Variants in CNTN5 observed in about 807,000 individuals in gnomAD.
The protein encoded by CNTN5 is contactin 5.
Under a neutral mutation model 129.1 loss-of-function variants are expected in CNTN5, and 77 were observed. The observed-to-expected ratio is 0.60, with a 90% CI of 0.50 to 0.72. CNTN5 has a LOEUF of 0.72. CNTN5 is among the 30% of genes least tolerant of loss of function. CNTN5 has a pLI of 0.00. For missense variants in CNTN5, 1,478 were observed against 1,328.8 expected (o/e 1.11, Z -1.75); for synonymous variants, 509 against 465.6 (o/e 1.09, Z -1.20).
chr11:99,922,573 T>C (rs1949966051), intron 7 of CNTN5, among the ~76,000 whole-genome samples: 1 of 152,244 alleles, frequency 6.6e-6, no homozygotes, highest in South Asian at 2.1e-4. Context: ...TAGATTATCA[T>C]AGCATACTTG....
intron 4 of CNTN5, among the ~76,000 whole-genome samples, chr11:99,841,588 G>C (rs1161719416): frequency 6.7e-6 from 1 of 149,664 alleles, no homozygotes; most frequent in African/African-American, 2.5e-5. Flanking sequence ...AAAAAGGGGA[G>C]GAGGAGGAAA....
At position 99,947,597 on chromosome 11, in the gene CNTN5, G is replaced by A. The variant is rs572749086; in HGVS notation, c.674-9209G>A. Among the ~76,000 whole-genome samples, 152 of 152,182 alleles carry A rather than the reference G, an allele frequency of 1.0e-3. 2 individuals carry two copies. The South Asian group carries it at 0.013, about 13-fold the overall frequency. ...AATAAGTTGAGGGGCAGACAATCTC[G>A]TTATAATAATTTATCTTGCCTGAAG... On this transcript the variant is annotated intron_variant, in intron 7 of 24. Transcript: ENST00000524871.
intron 8 of CNTN5, among the ~76,000 whole-genome samples, chr11:99,979,907 T>C (rs553627699): frequency 4.8e-4 from 73 of 152,322 alleles, no homozygotes; most frequent in African/African-American, 1.7e-3. Context: ...TTAAGAGCCA[T>C]GTGACTTTAG....
At chr11:100,343,691 C>T (rs1952216085) in intron 23 of CNTN5, among the ~76,000 whole-genome samples, 1 of 152,098 alleles carries the variant, frequency 6.6e-6, no homozygotes, top group Non-Finnish European at 1.5e-5. Flanking sequence ...ACAGCTACTG[C>T]ACCCTTGGCA....
chr11:99,121,637 C>T (rs2135409043), intron 1 of CNTN5, among the ~76,000 whole-genome samples: 1 of 152,266 alleles, frequency 6.6e-6, no homozygotes, highest in East Asian at 1.9e-4. Context: ...GATTTGGCAA[C>T]TTTTTAAAGG....
intron 1 of CNTN5, among the ~76,000 whole-genome samples, chr11:99,233,607 GT>G (rs1472517294): frequency 2.0e-5 from 3 of 152,146 alleles, no homozygotes; most frequent in Admixed American, 6.5e-5. Context: ...GTAAAATGGT[GT>G]TGTGAATAAA....
chr11:99,754,956 A>G (rs1249094638), intron 3 of CNTN5, among the ~76,000 whole-genome samples: 1 of 152,160 alleles, frequency 6.6e-6, no homozygotes, highest in East Asian at 1.9e-4. Context: ...ATCATTGATC[A>G]TGTTATTATT....
chr11:99,750,951 T>C (rs1407766456), intron 3 of CNTN5, among the ~76,000 whole-genome samples: 2 of 152,214 alleles, frequency 1.3e-5, no homozygotes, highest in Admixed American at 6.6e-5. Context: ...AAAGCTAATA[T>C]AGGCAAAAGT....
intron 18 of CNTN5, among the ~76,000 whole-genome samples, chr11:100,294,361 CT>C (rs1219549641): frequency 2.0e-5 from 3 of 151,648 alleles, no homozygotes; most frequent in Non-Finnish European, 3.0e-5. Context: ...TACAAGAATG[CT>C]TTCAATGTTT....
At chr11:99,602,659 A>C (rs1591347560) in intron 3 of CNTN5, among the ~76,000 whole-genome samples, 1 of 151,886 alleles carries the variant, frequency 6.6e-6, no homozygotes, top group South Asian at 2.1e-4. Context: ...ATGTAAAAAA[A>C]AAAAAATGTA....
chr11:99,314,047 G>T (rs1199212082), intron 1 of CNTN5, among the ~76,000 whole-genome samples: 3 of 151,972 alleles, frequency 2.0e-5, no homozygotes, highest in African/African-American at 7.2e-5. Context: ...CCCAAAGGGG[G>T]TTGGTAAAAG....
intron 9 of CNTN5, among the ~76,000 whole-genome samples, chr11:100,030,317 C>T (rs1250475329): frequency 1.3e-5 from 2 of 152,164 alleles, no homozygotes; most frequent in Non-Finnish European, 2.9e-5. Flanking sequence ...CAGTTTGAGG[C>T]TGCAGTGAGC....
chr11:99,650,916 A>G (rs747242704), intron 3 of CNTN5, among the ~76,000 whole-genome samples: 1 of 151,988 alleles, frequency 6.6e-6, no homozygotes, highest in Non-Finnish European at 1.5e-5. Context: ...AACACAGTTC[A>G]ATAATGTTCT....
intron 3 of CNTN5, among the ~76,000 whole-genome samples, chr11:99,591,495 G>A (rs1026006158): frequency 1.3e-5 from 2 of 151,810 alleles, no homozygotes; most frequent in African/African-American, 4.8e-5. Flanking sequence ...GTGCCACCAT[G>A]CCCGGCTAAT....
chr11:100,214,737 G>C (rs1269116096), intron 15 of CNTN5, among the ~76,000 whole-genome samples: 1 of 152,186 alleles, frequency 6.6e-6, no homozygotes, highest in African/African-American at 2.4e-5. Context: ...TTTGGCTTTA[G>C]TTAACAGCAG....
chr11:99,427,166 A>T (rs1448944808), intron 2 of CNTN5, among the ~76,000 whole-genome samples: 2 of 152,222 alleles, frequency 1.3e-5, no homozygotes, highest in Non-Finnish European at 2.9e-5. Flanking sequence ...GAATTATTTA[A>T]TCAGACATAG....
chr11:99,321,613 G>T (rs1865572914), intron 1 of CNTN5, among the ~76,000 whole-genome samples: 1 of 152,100 alleles, frequency 6.6e-6, no homozygotes, highest in Non-Finnish European at 1.5e-5. Flanking sequence ...ACTTCTTGGA[G>T]AGTGCTGCTA....
chr11:99,131,933 C>T (rs758368778), intron 1 of CNTN5, among the ~76,000 whole-genome samples: 4 of 152,122 alleles, frequency 2.6e-5, no homozygotes, highest in Non-Finnish European at 4.4e-5. Context: ...CAAAACCTAG[C>T]AGAGATGCAA....
intron 3 of CNTN5, among the ~76,000 whole-genome samples, chr11:99,590,834 C>T (rs1179852133): frequency 6.6e-6 from 1 of 152,222 alleles, no homozygotes; most frequent in East Asian, 1.9e-4. Flanking sequence ...GCCACAACAC[C>T]AGGGATGCTA....
Sources: gnomAD v4.1 joint callset for allele counts (sites outside exome capture counted in the v4.1 genomes callset) on GRCh38, gnomAD v4.1.1 for gene constraint, MANE v1.5 for transcripts, NCBI Gene and HGNC (gene_info 2026-07-23, HGNC 2026-07-21) for gene names.